Variants in SUSD2 observed in about 807,000 individuals in gnomAD.
The protein encoded by SUSD2 is sushi domain containing 2.
A neutral mutation model predicts 93.8 loss-of-function variants in SUSD2; 86 were observed. The ratio of observed to expected loss-of-function variants is 0.92; its 90% confidence interval spans 0.77 to 1.10. SUSD2 has a LOEUF of 1.10. Among genes scored for constraint, SUSD2 ranks in the 50% least tolerant of loss-of-function variants. SUSD2 has a pLI of 0.00. For synonymous variants in SUSD2, 483 were observed against 485.0 expected (o/e 1.00, Z 0.05); for missense variants, 1,060 against 1,137.0 (o/e 0.93, Z 0.97).
chr22:24,189,032 C>G lies in SUSD2; in HGVS notation c.*596C>G, dbSNP rs768430628. 6.6e-6 allele frequency: 1 copy of G among 152,446 alleles called. No individual in the cohort carries two copies. Among genetic ancestry groups the G allele is most frequent in the Non-Finnish European group, 1.5e-5 (1 of 68,232 alleles). 9.4% of individuals were successfully genotyped at this position (152,446 alleles called of 1,614,324 possible). On this transcript the variant is annotated 3_prime_UTR_variant, in exon 15 of 15. Coordinates refer to ENST00000358321, the MANE Select transcript of SUSD2 (RefSeq NM_019601.4). ...CCTCGGCACTCCAGGCTTATAATTT[C>G]GAACTCTTCTGGAAGGTCACTCAGG... is the stretch of plus-strand genomic sequence containing the variant.
chr22:24,187,208 TC>T lies in SUSD2; in HGVS notation c.1651del (p.Leu551CysfsTer28). ...EQSWMDLKGM[F>X]LSVAAGDRVS... Reference sequence around the variant, plus strand: ...GCATCCCCCTTGAGCCCAGGAATGTTCCTGTCGGTGGCTGCCGGGGACAGGG... The same window carrying T: ...GCATCCCCCTTGAGCCCAGGAATGTTCTGTCGGTGGCTGCCGGGGACAGGG... On this transcript the variant is annotated frameshift_variant, in exon 11 of 15. Transcript: ENST00000358321. LOFTEE classifies it high-confidence loss of function. The T allele has an allele frequency of 6.2e-7, 1 of 1,612,390 alleles. No homozygotes were observed. The highest frequency in any genetic ancestry group is 8.5e-7 in the Non-Finnish European group (1 of 1,179,904).
At position 24,187,320 on chromosome 22, in the gene SUSD2, G is replaced by T. The variant is rs542888315; in HGVS notation, c.1761G>T (p.Lys587Asn). The change falls in exon 11 of 15, where the codon AAG (lysine) becomes AAT (asparagine). Residue 587 changes from lysine to asparagine, a missense_variant. Lys to Asn is a moderately conservative substitution (Grantham distance 94). Transcript: ENST00000358321. ...FLSVSVLLPE[K>N]FLTHTHGLLG... is the part of the protein sequence containing the mutation. Reference sequence around the variant, plus strand: ...GTGTGTCCGTCCTGCTGCCTGAGAAGTTCCTCACCCACACCCACGGCCTCC... The same window carrying T: ...GTGTGTCCGTCCTGCTGCCTGAGAATTTCCTCACCCACACCCACGGCCTCC... 11 of 1,614,112 alleles carry T rather than the reference G, an allele frequency of 6.8e-6. No individual in the cohort carries two copies. In the South Asian group the frequency reaches 9.9e-5, roughly 14 times the overall value.
rs1450026938 is a variant in SUSD2 at position 24,188,425 on chromosome 22, G to A, written c.2458G>A (p.Ala820Thr). The stretch of plus-strand genomic sequence containing the variant: ...TTTCTGTTGCAGGCACGTCTGGGGT[G>A]CACAGCCCTGATGGGAGCAGCTTGG... ...RRKGNTHVWG[A>T]QP Residue 820 changes from alanine (A) to threonine (T), a missense_variant, in exon 15 of 15, where the codon GCA (alanine) becomes ACA (threonine). Physicochemically the swap from Ala to Thr is moderately conservative, Grantham distance 58. This residue lies in a region of SUSD2 where 973 missense variants were observed against 1,005.3 expected (regional missense o/e 0.97). Coordinates refer to ENST00000358321, the MANE Select transcript of SUSD2 (RefSeq NM_019601.4). The surrounding 1 kb of genome is among the most constrained non-coding windows in gnomAD (Gnocchi z 4.7). The A allele has an allele frequency of 1.2e-6, 2 of 1,610,634 alleles. No homozygotes were observed. The highest frequency in any genetic ancestry group is 2.2e-5 in the East Asian group (1 of 44,848).
At position 24,188,747 on chromosome 22, in the gene SUSD2, A is replaced by G. The variant is rs1413923586; in HGVS notation, c.*311A>G. On this transcript the variant is annotated 3_prime_UTR_variant, in exon 15 of 15. Coordinates refer to ENST00000358321, the MANE Select transcript of SUSD2 (RefSeq NM_019601.4). The surrounding 1 kb of genome is among the most constrained non-coding windows in gnomAD (Gnocchi z 4.7). ...TGACACTCCCACACCTGAGCCTCAGATTCCAATAGCTCACTCCCTAGAGCC... is the reference window on the plus strand; with the variant it reads ...TGACACTCCCACACCTGAGCCTCAGGTTCCAATAGCTCACTCCCTAGAGCC... 6 of 341,280 alleles carry G rather than the reference A, an allele frequency of 1.8e-5. No homozygotes were observed. The highest frequency in any genetic ancestry group is 3.3e-5 in the Non-Finnish European group (6 of 183,540). 21.1% of individuals were successfully genotyped at this position (341,280 alleles called of 1,614,324 possible).
Position 24,188,517 on chromosome 22 carries a change from AC to A in SUSD2, c.*83del. The A allele has an allele frequency of 7.4e-7, 1 of 1,351,968 alleles. No individual in the cohort carries two copies. Among genetic ancestry groups the A allele is most frequent in the Non-Finnish European group, 1.0e-6 (1 of 959,734 alleles). The allele number at this position is 1,351,968 out of a possible 1,614,324, so 83.7% of individuals were successfully genotyped here. A position where few individuals can be genotyped will look rare whatever the true frequency, so the allele number is the denominator to read the frequency against. ...GTCCTGCGACTCCCGCATCCCCAGGACCAGACACCTGGGACCTGGATACTTG... is the reference window on the plus strand; with the variant it reads ...GTCCTGCGACTCCCGCATCCCCAGGACAGACACCTGGGACCTGGATACTTG... On this transcript the variant is annotated 3_prime_UTR_variant, in exon 15 of 15. Transcript: ENST00000358321. This position sits in a 1 kb window ranked among gnomAD's most constrained non-coding sequence, Gnocchi z 4.7.
In SUSD2 at chr22:24,187,357, A is replaced by C; in HGVS notation, c.1798A>C (p.Asn600His). The C allele has an allele frequency of 1.2e-6, 2 of 1,613,858 alleles. No homozygotes were observed. The highest frequency in any genetic ancestry group is 1.7e-6 in the Non-Finnish European group (2 of 1,179,966). The change falls in exon 11 of 15, where the codon AAC (asparagine) becomes CAC (histidine). Residue 600 changes from asparagine to histidine, a missense_variant. Transcript: ENST00000358321. ...CACCCACGGCCTCCTCGGGACACTC[A>C]ACAACGACCCCACCGACGACTTCAC... ...THTHGLLGTL[N>H]NDPTDDFTLH...
Position 24,183,082 on chromosome 22 carries a change from C to T in SUSD2, c.102C>T (p.Arg34=), listed in dbSNP as rs762144600. The part of the protein sequence containing the change: ...TADAQESCSM[R]CGALDGPCSC... ...ATGCCCAAGAGAGCTGCTCCATGCGCTGTGGCGCCCTGGACGGGCCATGTT... is the reference window on the plus strand; with the variant it reads ...ATGCCCAAGAGAGCTGCTCCATGCGTTGTGGCGCCCTGGACGGGCCATGTT... The change falls in exon 2 of 15, where the codon CGC becomes CGT. Residue 34 remains arginine (R), a synonymous_variant. Transcript: ENST00000358321. 9 of 1,613,792 alleles carry T rather than the reference C, an allele frequency of 5.6e-6. No individual in the cohort carries two copies. Among genetic ancestry groups the T allele is most frequent in the Non-Finnish European group, 7.6e-6 (9 of 1,179,878 alleles).
At position 24,187,786 on chromosome 22, in the gene SUSD2, A is replaced by G. The variant is rs777950076; in HGVS notation, c.2107A>G (p.Thr703Ala). 11 of 1,613,568 alleles carry G rather than the reference A, an allele frequency of 6.8e-6. No individual in the cohort carries two copies. The highest frequency in any genetic ancestry group is 9.3e-6 in the Non-Finnish European group (11 of 1,179,958). Reference protein sequence around the residue: ...VAATGSLSTGTATRVAHQLHQ... With the variant: ...VAATGSLSTGAATRVAHQLHQ... ...AGCCACTGGGAGCCTGAGCACGGGC[A>G]CTGCCACTCGGGTGGCCCACCAGCT... is the stretch of plus-strand genomic sequence containing the variant. Residue 703 changes from threonine (T) to alanine (A), a missense_variant, in exon 12 of 15, where the codon ACT (threonine) becomes GCT (alanine). Thr to Ala is a moderately conservative substitution (Grantham distance 58). Coordinates refer to ENST00000358321, the MANE Select transcript of SUSD2 (RefSeq NM_019601.4).
intron 12 of SUSD2, 45 bp from the exon 13 acceptor site, chr22:24,187,914 G>A (rs760352460): frequency 6.2e-7 from 1 of 1,608,432 alleles, no homozygotes; most frequent in South Asian, 1.1e-5. Context: ...ATGTGTGTAT[G>A]CATGGCAGCT....
Position 24,188,220 on chromosome 22 carries a change from AC to A in SUSD2, c.2342-3del. ...CCCCCTCACTGACACTCGCTCCCTC[AC>A]CAGGACGCAGCTACGCGGTGCTGTT... is the stretch of plus-strand genomic sequence containing the variant. On this transcript the variant is annotated splice_region_variant and splice_polypyrimidine_tract_variant and intron_variant, in intron 13 of 14. Transcript: ENST00000358321. The surrounding 1 kb of genome is among the most constrained non-coding windows in gnomAD (Gnocchi z 4.7). 6.3e-7 allele frequency: 1 copy of A among 1,592,488 alleles called. No individual in the cohort carries two copies. Among genetic ancestry groups the A allele is most frequent in the Non-Finnish European group, 8.6e-7 (1 of 1,166,594 alleles).
At chr22:24,181,677 C>T in intron 1 of SUSD2, 82 bp downstream of exon 1, 2 of 1,109,696 alleles carry the variant, frequency 1.8e-6, no homozygotes, top group East Asian at 2.9e-5. Flanking sequence ...CCTCTGGGCT[C>T]AGCCTCTGTC....
intron 1 of SUSD2, chr22:24,182,842 G>A (rs938609122): frequency 1.0e-5 from 6 of 574,954 alleles, no homozygotes; most frequent in Admixed American, 9.5e-5. Context: ...GTCAGTCAGG[G>A]CAACAGCCAG....
intron 10 of SUSD2, 51 bp from the exon 11 acceptor site, chr22:24,187,151 G>A (rs1405156599): frequency 1.9e-6 from 3 of 1,580,394 alleles, no homozygotes. Flanking sequence ...GCTGCGGGAG[G>A]GGACAAGATG....
chr22:24,185,780 TC>T lies in SUSD2; in HGVS notation c.1192del (p.Arg398AlafsTer59). ...GGCCATGACTGGGGCGCACCCCCGT[TC>T]CGCACGCCACCCCGAGTGCCCAGCA... ...DRGHDWGAPP[F>X]RTPPRVPSMS... On this transcript the variant is annotated frameshift_variant, in exon 8 of 15. Coordinates refer to ENST00000358321, the MANE Select transcript of SUSD2 (RefSeq NM_019601.4). LOFTEE classifies it high-confidence loss of function. 6.2e-7 allele frequency: 1 copy of T among 1,610,282 alleles called. No individual in the cohort carries two copies. The highest frequency in any genetic ancestry group is 8.5e-7 in the Non-Finnish European group (1 of 1,178,858).
intron 6 of SUSD2, 83 bp downstream of exon 6, chr22:24,185,378 G>T (rs2047355025): frequency 1.3e-6 from 2 of 1,545,468 alleles, no homozygotes; most frequent in Non-Finnish European, 1.8e-6. Context: ...GCAGACAGAG[G>T]TGTCCTGGAG....
intron 3 of SUSD2, 84 bp from the exon 4 acceptor site, chr22:24,184,052 C>A (rs747878938): frequency 7.2e-7 from 1 of 1,391,942 alleles, no homozygotes; most frequent in Non-Finnish European, 1.0e-6. Flanking sequence ...GCCCTGGAGG[C>A]TCCCACAGCC....
intron 10 of SUSD2, 22 bp downstream of exon 10, chr22:24,186,437 G>A: frequency 6.2e-7 from 1 of 1,609,522 alleles, no homozygotes; most frequent in Non-Finnish European, 8.5e-7. Flanking sequence ...AGCCACGCGA[G>A]GCTGCGGGCT....
intron 4 of SUSD2, 106 bp downstream of exon 4, chr22:24,184,409 T>A: frequency 8.1e-7 from 1 of 1,234,712 alleles, no homozygotes; most frequent in Non-Finnish European, 1.1e-6. Flanking sequence ...CCAGGTGGGG[T>A]TGAGGAGGGA....
At chr22:24,184,353 G>T in intron 4 of SUSD2, 50 bp downstream of exon 4, 3 of 1,578,400 alleles carry the variant, frequency 1.9e-6, no homozygotes, top group Non-Finnish European at 2.6e-6. Flanking sequence ...GGCCCCCAGA[G>T]GGGGAGAAAG....
Sources: allele counts gnomAD v4.1 joint callset, GRCh38; gene constraint gnomAD v4.1.1; regional missense constraint gnomAD v4.1.1; non-coding constraint Gnocchi (gnomAD v3.1); transcripts MANE v1.5; gene names NCBI Gene and HGNC (gene_info 2026-07-23, HGNC 2026-07-21).